CGN: variants seen among roughly 807,000 people sequenced by gnomAD.
The protein encoded by CGN is cingulin.
In CGN, 121 loss-of-function variants were observed where a neutral mutation model predicts 157.1. The ratio of observed to expected loss-of-function variants is 0.77; its 90% CI spans 0.66 to 0.90. The LOEUF (loss-of-function observed/expected upper bound fraction) is 0.90, where lower values mean the gene tolerates loss of function less well. CGN is among the 40% of genes least tolerant of loss of function. CGN has a pLI of 0.00. For synonymous variants in CGN, 535 were observed against 607.5 expected (o/e 0.88, Z 1.76); for missense variants, 1,424 against 1,520.9 (o/e 0.94, Z 1.06).
chr1:151,530,201 G>C (rs1664802635), intron 12 of CGN, 86 bp downstream of exon 12: 1 of 1,421,174 alleles, frequency 7.0e-7, no homozygotes, highest in African/African-American at 1.4e-5. Context: ...GTTTCACTTT[G>C]CCCTTAGTGT....
intron 16 of CGN, 103 bp downstream of exon 16, chr1:151,535,234 A>C: frequency 1.1e-6 from 1 of 899,540 alleles, no homozygotes; most frequent in South Asian, 1.5e-5. Context: ...CTGGCTGCCG[A>C]ATCTGTGCGT....
chr1:151,537,016 T>C, intron 20 of CGN, 123 bp downstream of exon 20: 1 of 1,236,456 alleles, frequency 8.1e-7, no homozygotes, highest in Non-Finnish European at 1.1e-6. Flanking sequence ...TGTTTCTGGT[T>C]GGAAGCCAGT....
chr1:151,523,767 T>C (rs1664598695), intron 6 of CGN, among the ~76,000 whole-genome samples: 1 of 152,232 alleles, frequency 6.6e-6, no homozygotes. Flanking sequence ...GGAGTTAAGC[T>C]ACCTGGGTTT....
rs1664470555 is a variant in CGN at position 151,518,801 on chromosome 1, GAGCTC to G, written c.285_289del (p.Ser95ArgfsTer6). On this transcript the variant is annotated frameshift_variant, in exon 2 of 21. Transcript: ENST00000271636. LOFTEE classifies it high-confidence loss of function. The stretch of plus-strand genomic sequence containing the variant: ...ATGACCAAGGGGCCTCAGGAGCTCT[GAGCTC>G]AGATTTGGAACTCCCTGAGAACCCC... 4 of 1,613,968 alleles carry G rather than the reference GAGCTC, an allele frequency of 2.5e-6. No homozygotes were observed. The highest frequency in any genetic ancestry group is 3.4e-6 in the Non-Finnish European group (4 of 1,179,974).
chr1:151,517,134 G>C (rs1664433222), intron 1 of CGN, among the ~76,000 whole-genome samples: 1 of 151,922 alleles, frequency 6.6e-6, no homozygotes, highest in Non-Finnish European at 1.5e-5. Context: ...CTTCAGCCTG[G>C]GCAACAAGAG....
At chr1:151,522,147 G>A (rs560715161) in intron 5 of CGN, among the ~76,000 whole-genome samples, 11 of 152,232 alleles carry the variant, frequency 7.2e-5, no homozygotes, top group African/African-American at 2.6e-4. Flanking sequence ...GCATGTGCCT[G>A]TAGTTCCAGC....
At chr1:151,530,467 A>G in intron 12 of CGN, 22 bp from the exon 13 acceptor site, 4 of 1,542,938 alleles carry the variant, frequency 2.6e-6, no homozygotes, top group South Asian at 2.5e-5. Context: ...TCTCAGTCCA[A>G]CCCTGCTTCC....
At chr1:151,520,084 T>G in intron 2 of CGN, 82 bp from the exon 3 acceptor site, 1 of 1,058,524 alleles carries the variant, frequency 9.4e-7, no homozygotes, top group South Asian at 1.6e-5. Context: ...CTCCTCCATC[T>G]GAACCCCACG....
upstream of CGN, chr1:151,510,641 C>T (rs1427951775): frequency 1.3e-5 from 2 of 152,106 alleles, no homozygotes; most frequent in Non-Finnish European, 2.9e-5. Flanking sequence ...ATTCAGTCAA[C>T]AAATATTTAT....
chr1:151,520,364 T>C (rs763614980), intron 3 of CGN, 50 bp from the exon 4 acceptor site: 12 of 1,575,882 alleles, frequency 7.6e-6, no homozygotes, highest in East Asian at 4.5e-5. Flanking sequence ...TCCTGATCTC[T>C]GCTACCTCTT....
intron 10 of CGN, among the ~76,000 whole-genome samples, chr1:151,528,284 GC>G (rs1664745270): frequency 6.6e-6 from 1 of 151,626 alleles, no homozygotes; most frequent in Non-Finnish European, 1.5e-5. Flanking sequence ...ACCGCACCCA[GC>G]CTCACACTGT....
chr1:151,533,966 C>T lies in CGN; in HGVS notation c.2743-9C>T, dbSNP rs1248659264. 3 of 1,602,882 alleles carry T rather than the reference C, an allele frequency of 1.9e-6. No homozygotes were observed. The highest frequency in any genetic ancestry group is 2.2e-5 in the East Asian group (1 of 44,760). On this transcript the variant is annotated splice_polypyrimidine_tract_variant and intron_variant, in intron 14 of 20. Coordinates refer to ENST00000271636, the MANE Select transcript of CGN (RefSeq NM_020770.3). ...ACACTGAGCTGTGGCATTTTTACCC[C>T]CTGCCCAGATCCAGAGGCTGCGGCA...
At chr1:151,510,604 G>C (rs1056028379), upstream of CGN, 4 of 152,014 alleles carry the variant, frequency 2.6e-5, no homozygotes, top group African/African-American at 9.7e-5. Flanking sequence ...TCCTATTTTG[G>C]TAAATTTGCG....
rs777033774 is a variant in CGN, at chr1:151,536,313, G to A, written c.3274G>A (p.Glu1092Lys). Reference protein sequence around the residue: ...VKELSIQIEDERQHVNDQKDQ... With the variant: ...VKELSIQIEDKRQHVNDQKDQ... The stretch of plus-strand genomic sequence containing the variant: ...AGAACTATCCATCCAGATTGAAGAC[G>A]AGCGGCAGCATGTCAATGACCAGAA... The change falls in exon 19 of 21, where the codon GAG becomes AAG. Residue 1092 changes from glutamate (E) to lysine (K), a missense_variant. Glu to Lys is a moderately conservative substitution (Grantham distance 56). This residue lies in a region of CGN where 199 missense variants were observed against 272.2 expected (regional missense o/e 0.73). Coordinates refer to ENST00000271636, the MANE Select transcript of CGN (RefSeq NM_020770.3). 5.6e-6 allele frequency: 9 copies of A among 1,611,526 alleles called. No individual in the cohort carries two copies. The highest frequency in any genetic ancestry group is 2.2e-5 in the South Asian group (2 of 90,990).
intron 13 of CGN, among the ~76,000 whole-genome samples, chr1:151,530,985 C>T (rs527705128): frequency 6.6e-6 from 1 of 151,984 alleles, no homozygotes; most frequent in Non-Finnish European, 1.5e-5. Flanking sequence ...ACTAAAAATA[C>T]AAAAAATTAG....
intron 1 of CGN, among the ~76,000 whole-genome samples, chr1:151,514,131 CCA>C (rs1479219621): frequency 4.6e-5 from 7 of 152,222 alleles, no homozygotes; most frequent in Non-Finnish European, 1.0e-4. Context: ...CTGACCCACC[CCA>C]AAGATCCCTT....
intron 8 of CGN, among the ~76,000 whole-genome samples, chr1:151,525,116 A>T (rs954521700): frequency 8.5e-5 from 13 of 152,088 alleles, no homozygotes; most frequent in African/African-American, 3.1e-4. Context: ...CCCAAGGGGG[A>T]CTGGGTGCGG....
At chr1:151,531,821 A>C (rs943122935) in intron 13 of CGN, among the ~76,000 whole-genome samples, 4 of 150,228 alleles carry the variant, frequency 2.7e-5, no homozygotes, top group Non-Finnish European at 6.0e-5. Flanking sequence ...ATCATTTGTC[A>C]ATGAAAAATG....
chr1:151,527,808 T>TACATACAC (rs1553246287), intron 10 of CGN: 1 of 154,730 alleles, frequency 6.5e-6, no homozygotes, highest in Non-Finnish European at 1.4e-5. Flanking sequence ...TTTGGTTTTA[T>TACATACAC]ACACACACAC....
Sources: allele counts gnomAD v4.1 joint callset (sites outside exome capture counted in the v4.1 genomes callset), GRCh38; gene constraint gnomAD v4.1.1; regional missense constraint gnomAD v4.1.1; transcripts MANE v1.5; gene names NCBI Gene and HGNC (gene_info 2026-07-23, HGNC 2026-07-21).